KLHL32: variants seen among roughly 807,000 people sequenced by gnomAD.
The protein encoded by KLHL32 is kelch like family member 32.
In KLHL32, 35 loss-of-function variants were observed where a neutral mutation model predicts 64.8. The ratio of observed to expected loss-of-function variants is 0.54; its 90% CI spans 0.41 to 0.72. The LOEUF (loss-of-function observed/expected upper bound fraction) is 0.72, where lower values mean the gene tolerates loss of function less well. KLHL32 is among the 30% of genes least tolerant of loss of function. The pLI, the probability that KLHL32 is intolerant of heterozygous loss-of-function variation, is 0.00. For missense variants in KLHL32, 589 were observed against 768.5 expected (o/e 0.77, Z 2.76); for synonymous variants, 259 against 281.0 (o/e 0.92, Z 0.78).
At chr6:96,962,936 GTGGTAC>G (rs939181163) in intron 1 of KLHL32, among the ~76,000 whole-genome samples, 4 of 152,192 alleles carry the variant, frequency 2.6e-5, no homozygotes, top group African/African-American at 9.7e-5. Context: ...ACTGAAATTT[GTGGTAC>G]TAGTCTTTTG....
chr6:97,072,085 C>T (rs1011559407), intron 5 of KLHL32, among the ~76,000 whole-genome samples: 2 of 152,158 alleles, frequency 1.3e-5, no homozygotes, highest in Non-Finnish European at 2.9e-5. Flanking sequence ...GGGTATTTCT[C>T]AGGCACATGA....
At chr6:97,113,700 A>G in intron 6 of KLHL32, 83 bp from the exon 7 acceptor site, 1 of 1,480,734 alleles carries the variant, frequency 6.8e-7, no homozygotes, top group South Asian at 1.3e-5. Flanking sequence ...CTGGAAGAAT[A>G]CAGGTAACCT....
At chr6:96,912,437 T>G in the KLHL32 span, among the ~76,000 whole-genome samples, 1 of 152,306 alleles carries the variant, frequency 6.6e-6, no homozygotes, top group South Asian at 2.1e-4. Context: ...CCTCTTTTCC[T>G]AGCACCCATT....
chr6:97,043,316 G>A (rs575609385), intron 4 of KLHL32, among the ~76,000 whole-genome samples: 1 of 152,282 alleles, frequency 6.6e-6, no homozygotes, highest in African/African-American at 2.4e-5. Flanking sequence ...AGATCATGAA[G>A]TATTTGTCTT....
At chr6:97,060,416 TG>T (rs1788684557) in intron 4 of KLHL32, among the ~76,000 whole-genome samples, 1 of 152,148 alleles carries the variant, frequency 6.6e-6, no homozygotes, top group Non-Finnish European at 1.5e-5. Context: ...AGGGATGCCC[TG>T]GGGACTGTGG....
At chr6:97,124,519 T>C (rs572786937) in intron 7 of KLHL32, among the ~76,000 whole-genome samples, 2 of 152,346 alleles carry the variant, frequency 1.3e-5, no homozygotes, top group Non-Finnish European at 2.9e-5. Flanking sequence ...AGCTACATTC[T>C]AATCCATTGG....
At chr6:97,091,236 C>G (rs1794177692) in intron 6 of KLHL32, among the ~76,000 whole-genome samples, 1 of 152,146 alleles carries the variant, frequency 6.6e-6, no homozygotes, top group Admixed American at 6.5e-5. Context: ...CAAAACGAAA[C>G]AGAAAAAAGA....
intron 6 of KLHL32, among the ~76,000 whole-genome samples, 173 bp from the exon 7 acceptor site, chr6:97,113,610 A>G (rs1258708655): frequency 6.6e-6 from 1 of 152,212 alleles, no homozygotes; most frequent in African/African-American, 2.4e-5. Context: ...GTCTTTGCTG[A>G]GACGGAAAAA....
chr6:96,976,709 C>T (rs1262795962), intron 3 of KLHL32, among the ~76,000 whole-genome samples: 1 of 152,100 alleles, frequency 6.6e-6, no homozygotes, highest in Non-Finnish European at 1.5e-5. Flanking sequence ...AGTGATTCTC[C>T]TGCCTTAGCC....
At chr6:97,056,100 T>C (rs919654329) in intron 4 of KLHL32, among the ~76,000 whole-genome samples, 135 of 110,048 alleles carry the variant, frequency 1.2e-3, no homozygotes, top group Non-Finnish European at 2.0e-3. Context: ...TTTTTTCTTT[T>C]TTTTTCTTTT....
At chr6:97,073,612 G>T (rs1297552090) in intron 5 of KLHL32, among the ~76,000 whole-genome samples, 1 of 152,100 alleles carries the variant, frequency 6.6e-6, no homozygotes, top group Non-Finnish European at 1.5e-5. Context: ...AACACATATT[G>T]TCTGATTGGA....
intron 1 of KLHL32, among the ~76,000 whole-genome samples, chr6:96,960,012 CT>C (rs1773711215): frequency 6.6e-6 from 1 of 152,208 alleles, no homozygotes; most frequent in South Asian, 2.1e-4. Context: ...GATTTGAAGC[CT>C]GATTTCACTA....
At chr6:96,933,318 T>C (rs1005519346) in intron 1 of KLHL32, among the ~76,000 whole-genome samples, 1 of 152,186 alleles carries the variant, frequency 6.6e-6, no homozygotes, top group African/African-American at 2.4e-5. Flanking sequence ...TTTTGGGAGA[T>C]TTATATCCTG....
At chr6:97,011,051 C>T (rs905243359) in intron 3 of KLHL32, among the ~76,000 whole-genome samples, 1 of 152,148 alleles carries the variant, frequency 6.6e-6, no homozygotes. Flanking sequence ...ATGAGAGCTT[C>T]CCAGTGGACC....
intron 7 of KLHL32, among the ~76,000 whole-genome samples, chr6:97,115,702 A>G (rs1797740188): frequency 6.6e-6 from 1 of 152,218 alleles, no homozygotes; most frequent in Admixed American, 6.5e-5. Flanking sequence ...CTCCTTTGAA[A>G]GGTTTTTCTA....
At chr6:97,055,822 A>AAAAAAAAAAAAAAAAAAAAAAAAAC (rs71012580) in intron 4 of KLHL32, among the ~76,000 whole-genome samples, 1 of 144,180 alleles carries the variant, frequency 6.9e-6, no homozygotes, top group Non-Finnish European at 1.5e-5. Flanking sequence ...AAAAAAAAAA[A>AAAAAAAAAAAAAAAAAAAAAAAAAC]CCCCTTCTTA....
Position 96,939,081 on chromosome 6 carries a change from A to G in KLHL32, c.-66+14055A>G, listed in dbSNP as rs189502572. Among the ~76,000 whole-genome samples the G allele has an allele frequency of 8.7e-4, 132 of 152,274 alleles. 1 individual carries two copies. Among genetic ancestry groups the G allele is most frequent in the Non-Finnish European group, 1.7e-3 (114 of 68,030 alleles). On this transcript the variant is annotated intron_variant, in intron 1 of 10. Transcript: ENST00000369261. ...ACTCAGTCTCTAAAGCTAGCAAACA[A>G]CTATGAGACATGGGCCACACCTTAT...
intron 2 of KLHL32, among the ~76,000 whole-genome samples, chr6:96,969,321 A>G (rs373191243): frequency 7.9e-5 from 12 of 152,014 alleles, no homozygotes; most frequent in African/African-American, 2.9e-4. Context: ...CCTTTTTCAA[A>G]ATATGGTTGT....
chr6:96,941,329 A>G (rs1376540436), intron 1 of KLHL32, among the ~76,000 whole-genome samples: 1 of 152,198 alleles, frequency 6.6e-6, no homozygotes, highest in Non-Finnish European at 1.5e-5. Flanking sequence ...CTTACCAAAT[A>G]CTAAGGCTTC....
Sources: allele counts gnomAD v4.1 joint callset (sites outside exome capture counted in the v4.1 genomes callset), GRCh38; gene constraint gnomAD v4.1.1; transcripts MANE v1.5; gene names NCBI Gene and HGNC (gene_info 2026-07-23, HGNC 2026-07-21).